ADCY3: variants seen among roughly 807,000 people sequenced by gnomAD.
ADCY3 encodes the protein adenylate cyclase type 3.
In ADCY3, 70 loss-of-function variants were observed where a neutral mutation model predicts 119.4. That is an observed-to-expected ratio of 0.59 (90% confidence interval 0.48 to 0.72). The LOEUF (loss-of-function observed/expected upper bound fraction) is 0.72. Ranked by LOEUF, ADCY3 falls within the 30% of genes least tolerant of loss-of-function variation. The probability of loss-of-function intolerance (pLI) is 0.00; values close to 1 mark genes in which losing one functional copy is unlikely to be tolerated. For missense variants in ADCY3, 1,238 were observed against 1,541.6 expected (o/e 0.80, Z 3.30); for synonymous variants, 672 against 621.4 (o/e 1.08, Z -1.21).
chr2:24,823,478 C>A, intron 17 of ADCY3, 123 bp from the exon 18 acceptor site: 21 of 907,290 alleles, frequency 2.3e-5, no homozygotes, highest in Non-Finnish European at 3.1e-5. Flanking sequence ...ACACATCAGT[C>A]AGATTATTCC....
At chr2:24,858,605 T>G (rs1673282722) in intron 3 of ADCY3, among the ~76,000 whole-genome samples, 1 of 152,236 alleles carries the variant, frequency 6.6e-6, no homozygotes, top group African/African-American at 2.4e-5. Context: ...CAAAACTTCA[T>G]TCTTACAGCC....
chr2:24,860,637 C>G (rs1304499500), intron 3 of ADCY3, among the ~76,000 whole-genome samples: 1 of 152,230 alleles, frequency 6.6e-6, no homozygotes, highest in Non-Finnish European at 1.5e-5. Context: ...CACCCTTTGA[C>G]ATGTGGACAT....
chr2:24,834,612 G>T lies in ADCY3; in HGVS notation c.1840C>A (p.Arg614=). 1 of 1,614,062 alleles carries T rather than the reference G, an allele frequency of 6.2e-7. No individual in the cohort carries two copies. Among genetic ancestry groups the T allele is most frequent in the Non-Finnish European group, 8.5e-7 (1 of 1,180,002 alleles). ...GTTTCCATCTCGGGGTCCATGAACC[G>T]CATGGACAAGAGGAAGGTGTTTCTC... ...KKRNTFLLSM[R]FMDPEMETRY... is the part of the protein sequence containing the mutation. Residue 614 remains arginine (R), a synonymous_variant, in exon 11 of 22, where the codon CGG becomes AGG. Coordinates refer to ENST00000679454, the MANE Select transcript of ADCY3 (RefSeq NM_004036.5). The surrounding 1 kb of genome is among the most constrained non-coding windows in gnomAD (Gnocchi z 4.2).
At chr2:24,873,897 A>G (rs1456127224) in intron 2 of ADCY3, among the ~76,000 whole-genome samples, 1 of 152,212 alleles carries the variant, frequency 6.6e-6, no homozygotes, top group Non-Finnish European at 1.5e-5. Context: ...TGGGAAGAGA[A>G]GCGGAAGAAT....
intron 2 of ADCY3, among the ~76,000 whole-genome samples, chr2:24,887,839 T>C (rs934012638): frequency 6.6e-6 from 1 of 152,210 alleles, no homozygotes; most frequent in African/African-American, 2.4e-5. Context: ...GAGACTCCTC[T>C]ATGATGTGTG....
intron 13 of ADCY3, among the ~76,000 whole-genome samples, chr2:24,829,714 G>A (rs964721555): frequency 6.6e-5 from 10 of 151,572 alleles, no homozygotes; most frequent in East Asian, 3.9e-4. Context: ...GAGCCACTGC[G>A]CCCGGCACCG....
rs999496286 is a variant in ADCY3, at chr2:24,868,979, G to A, written c.825+3591C>T. On this transcript the variant is annotated intron_variant, in intron 3 of 21. Coordinates refer to ENST00000679454, the MANE Select transcript of ADCY3 (RefSeq NM_004036.5). The stretch of plus-strand genomic sequence containing the variant: ...GCAGAGCTTGCAGTGAGCCTAGATC[G>A]CGCCACTGCACTCCAGCCTAAGTGA... Among the ~76,000 whole-genome samples, 14 of 152,258 alleles carry A rather than the reference G, an allele frequency of 9.2e-5. 1 individual carries two copies. The Middle Eastern group carries it at 0.01, about 111-fold the overall frequency.
chr2:24,894,375 T>C (rs1033093497), intron 2 of ADCY3, among the ~76,000 whole-genome samples: 5 of 152,140 alleles, frequency 3.3e-5, no homozygotes, highest in African/African-American at 9.7e-5. Context: ...CTTGGGAGGC[T>C]GAGGCAGGAG....
intron 2 of ADCY3, among the ~76,000 whole-genome samples, chr2:24,881,817 C>G (rs1467969760): frequency 6.7e-6 from 1 of 148,434 alleles, no homozygotes; most frequent in Admixed American, 6.7e-5. Flanking sequence ...CACAGTGTGT[C>G]TGGAGACGTT....
At chr2:24,851,516 A>G (rs1342735942) in intron 3 of ADCY3, among the ~76,000 whole-genome samples, 2 of 152,232 alleles carry the variant, frequency 1.3e-5, no homozygotes, top group East Asian at 1.9e-4. Context: ...TACACATCCC[A>G]AAGGGTTAGC....
chr2:24,894,601 AG>A lies in ADCY3; in HGVS notation c.676-21883del, dbSNP rs1350823683. Among the ~76,000 whole-genome samples, 4 of 152,288 alleles carry A rather than the reference AG, an allele frequency of 2.6e-5. No homozygotes were observed. The South Asian group carries it at 8.3e-4, about 32-fold the overall frequency. The stretch of plus-strand genomic sequence containing the variant: ...CTTCTATGTATGTTCTAAACTCCAA[AG>A]TACCTTGTTTATATTTTTGCTTTAA... On this transcript the variant is annotated intron_variant, in intron 2 of 21. Transcript: ENST00000679454.
chr2:24,836,003 C>T (rs1013359871), intron 9 of ADCY3, among the ~76,000 whole-genome samples: 1 of 152,068 alleles, frequency 6.6e-6, no homozygotes, highest in African/African-American at 2.4e-5. Context: ...ACAGTTTGAC[C>T]CCAGATAATG....
intron 2 of ADCY3, among the ~76,000 whole-genome samples, chr2:24,911,664 A>ACC: frequency 8.0e-6 from 1 of 124,734 alleles, no homozygotes; most frequent in Non-Finnish European, 1.6e-5. Context: ...AAAAACACAC[A>ACC]CACACACACC....
At chr2:24,825,928 G>T in intron 16 of ADCY3, 117 bp downstream of exon 16, 1 of 953,774 alleles carries the variant, frequency 1.0e-6, no homozygotes, top group Non-Finnish European at 1.6e-6. Context: ...CACGTGTGGG[G>T]CTGGGTGAAG....
chr2:24,842,707 A>G lies in ADCY3; in HGVS notation c.826-323T>C, dbSNP rs1345226553. 14 of 330,134 alleles carry G rather than the reference A, an allele frequency of 4.2e-5. No individual in the cohort carries two copies. The highest frequency in any genetic ancestry group is 2.7e-4 in the Admixed American group (7 of 25,726). 20.5% of individuals were successfully genotyped at this position (330,134 alleles called of 1,614,324 possible). A position where few individuals can be genotyped will look rare whatever the true frequency, so the allele number is the denominator to read the frequency against. On this transcript the variant is annotated intron_variant, in intron 3 of 21. Transcript: ENST00000679454. The surrounding 1 kb of genome is among the most constrained non-coding windows in gnomAD (Gnocchi z 4.9). ...GCAGCAGTCCTGCGTGGGCTGCTGCACCGTGAGCCCTCCCGGCAGGAGCCC... is the reference window on the plus strand; with the variant it reads ...GCAGCAGTCCTGCGTGGGCTGCTGCGCCGTGAGCCCTCCCGGCAGGAGCCC...
chr2:24,834,195 G>A lies in ADCY3; in HGVS notation c.1967+290C>T, dbSNP rs1011087902. On this transcript the variant is annotated intron_variant, in intron 11 of 21. Coordinates refer to ENST00000679454, the MANE Select transcript of ADCY3 (RefSeq NM_004036.5). This position sits in a 1 kb window ranked among gnomAD's most constrained non-coding sequence, Gnocchi z 4.2. ...CCAAGAATCAGTGTGGGCCCATCTA[G>A]CCAAGGTCTCCAGCCTTCTGGAGGC... Among the ~76,000 whole-genome samples the A allele has an allele frequency of 1.1e-4, 16 of 152,222 alleles. No homozygotes were observed. The highest frequency in any genetic ancestry group is 3.6e-4 in the African/African-American group (15 of 41,454).
chr2:24,843,035 C>CCTTGG (rs1359031727), intron 3 of ADCY3, among the ~76,000 whole-genome samples: 1 of 152,190 alleles, frequency 6.6e-6, no homozygotes, highest in African/African-American at 2.4e-5. Flanking sequence ...CCTGAAGGAG[C>CCTTGG]CTTGGTCGAG....
chr2:24,821,417 T>G (rs1224965108), intron 20 of ADCY3, 100 bp downstream of exon 20: 10 of 1,510,088 alleles, frequency 6.6e-6, no homozygotes, highest in Non-Finnish European at 8.1e-6. Flanking sequence ...CCACCCGAAT[T>G]GCCTCAGTTG....
chr2:24,888,945 G>A (rs1313184166), intron 2 of ADCY3, among the ~76,000 whole-genome samples: 1 of 152,210 alleles, frequency 6.6e-6, no homozygotes, highest in Non-Finnish European at 1.5e-5. Flanking sequence ...GGAGGCAGAG[G>A]TTGCAGTGAG....
Sources: allele counts gnomAD v4.1 joint callset (sites outside exome capture counted in the v4.1 genomes callset), GRCh38; gene constraint gnomAD v4.1.1; non-coding constraint Gnocchi (gnomAD v3.1); transcripts MANE v1.5; gene names NCBI Gene and HGNC (gene_info 2026-07-23, HGNC 2026-07-21).